The following FBXL7 variants were observed in gnomAD, a reference collection of about 807,000 sequenced individuals.
FBXL7 encodes F-box/LRR-repeat protein 7.
A neutral mutation model predicts 38.3 loss-of-function variants in FBXL7; 12 were observed. The ratio of observed to expected loss-of-function variants is 0.31; its 90% CI spans 0.20 to 0.51. The LOEUF (loss-of-function observed/expected upper bound fraction) is 0.51. Among genes scored for constraint, FBXL7 ranks in the 20% least tolerant of loss-of-function variants. FBXL7 has a pLI of 0.98. For missense variants in FBXL7, 567 were observed against 676.4 expected (o/e 0.84, Z 1.79); for synonymous variants, 297 against 300.9 (o/e 0.99, Z 0.13).
At chr5:15,801,882 T>C (rs1421417097) in intron 2 of FBXL7, among the ~76,000 whole-genome samples, 2 of 152,086 alleles carry the variant, frequency 1.3e-5, no homozygotes, top group African/African-American at 4.8e-5. Flanking sequence ...CTCTACTGCA[T>C]TTGATGAACT....
chr5:15,511,093 A>G (rs1288198949), intron 1 of FBXL7, among the ~76,000 whole-genome samples: 1 of 152,204 alleles, frequency 6.6e-6, no homozygotes, highest in Admixed American at 6.6e-5. Context: ...AAGGAATTGC[A>G]GTGACTGAGA....
chr5:15,764,142 T>G (rs998719221), intron 2 of FBXL7, among the ~76,000 whole-genome samples: 5 of 152,198 alleles, frequency 3.3e-5, no homozygotes, highest in African/African-American at 9.6e-5. Context: ...TAAGTTGACA[T>G]CTAAAATTCC....
chr5:15,678,131 C>T (rs774784114), intron 2 of FBXL7, among the ~76,000 whole-genome samples: 3 of 152,170 alleles, frequency 2.0e-5, no homozygotes, highest in Non-Finnish European at 4.4e-5. Flanking sequence ...GAGGGATATA[C>T]ATCACATTAC....
chr5:15,503,808 T>C (rs1466857963), intron 1 of FBXL7, among the ~76,000 whole-genome samples: 5 of 152,264 alleles, frequency 3.3e-5, no homozygotes, highest in African/African-American at 1.2e-4. Flanking sequence ...GCAACTTAAG[T>C]ATATTTTACT....
intron 1 of FBXL7, chr5:15,580,905 G>T (rs1465928641): frequency 1.2e-6 from 1 of 812,438 alleles, no homozygotes; most frequent in Non-Finnish European, 1.5e-6. Context: ...GGAATCCTGT[G>T]ATCCACTCTT....
At chr5:15,642,084 A>G (rs1306978767) in intron 2 of FBXL7, among the ~76,000 whole-genome samples, 1 of 151,994 alleles carries the variant, frequency 6.6e-6, no homozygotes, top group Non-Finnish European at 1.5e-5. Context: ...AAAAGAACAT[A>G]ATGCCCAACA....
chr5:15,835,375 C>T (rs371522024), intron 2 of FBXL7, among the ~76,000 whole-genome samples: 102 of 152,102 alleles, frequency 6.7e-4, no homozygotes, highest in African/African-American at 2.4e-3. Context: ...AAAACAAAAT[C>T]TTATTTAGAA....
chr5:15,826,347 G>A (rs1425944063), intron 2 of FBXL7, among the ~76,000 whole-genome samples: 1 of 152,142 alleles, frequency 6.6e-6, no homozygotes, highest in Admixed American at 6.5e-5. Flanking sequence ...TTTGTACTTC[G>A]AGAAAATAGC....
At position 15,700,338 on chromosome 5, in the gene FBXL7, G is replaced by A. The variant is rs1303540962; in HGVS notation, c.127+84266G>A. Reference sequence around the variant, plus strand: ...AAATACAGATAGACTGAAGCCAAAAGCGTTCCTTGCTGCAGACACACTCAA... The same window carrying A: ...AAATACAGATAGACTGAAGCCAAAAACGTTCCTTGCTGCAGACACACTCAA... On this transcript the variant is annotated intron_variant, in intron 2 of 3. Coordinates refer to ENST00000504595, the MANE Select transcript of FBXL7 (RefSeq NM_012304.5). Among the ~76,000 whole-genome samples the A allele has an allele frequency of 2.6e-5, 4 of 152,186 alleles. No homozygotes were observed. The East Asian group carries it at 7.7e-4, about 29-fold the overall frequency.
chr5:15,551,316 C>T (rs919307043), intron 1 of FBXL7, among the ~76,000 whole-genome samples: 1 of 152,138 alleles, frequency 6.6e-6, no homozygotes, highest in Admixed American at 6.5e-5. Flanking sequence ...TAGGCAGCAA[C>T]GTTTGAATAG....
chr5:15,692,812 G>A (rs1743222983), intron 2 of FBXL7, among the ~76,000 whole-genome samples: 1 of 152,214 alleles, frequency 6.6e-6, no homozygotes, highest in Non-Finnish European at 1.5e-5. Context: ...ATCCAAGCAA[G>A]TGAGGCTGAA....
At chr5:15,611,575 A>G (rs1644702313) in intron 1 of FBXL7, among the ~76,000 whole-genome samples, 1 of 152,106 alleles carries the variant, frequency 6.6e-6, no homozygotes, top group Admixed American at 6.5e-5. Flanking sequence ...ATCAATTGAT[A>G]AAATTGTGAG....
At chr5:15,599,271 C>T (rs536838765) in intron 1 of FBXL7, among the ~76,000 whole-genome samples, 130 of 152,234 alleles carry the variant, frequency 8.5e-4, no homozygotes, top group Non-Finnish European at 1.6e-3. Context: ...GTTCAAGTCA[C>T]ACCCCAAAGA....
At chr5:15,797,518 C>T (rs1409908797) in intron 2 of FBXL7, among the ~76,000 whole-genome samples, 5 of 152,184 alleles carry the variant, frequency 3.3e-5, no homozygotes, top group African/African-American at 9.7e-5. Context: ...TTCCATAGGA[C>T]GTAGCTCACA....
At chr5:15,606,281 A>G (rs772267933) in intron 1 of FBXL7, among the ~76,000 whole-genome samples, 2 of 151,952 alleles carry the variant, frequency 1.3e-5, no homozygotes, top group Non-Finnish European at 2.9e-5. Context: ...ACACACATAC[A>G]TGCGCACGTG....
At chr5:15,850,270 C>G (rs1016200491) in intron 2 of FBXL7, among the ~76,000 whole-genome samples, 10 of 152,156 alleles carry the variant, frequency 6.6e-5, no homozygotes, top group Non-Finnish European at 1.3e-4. Context: ...TTGATAAGTT[C>G]CAAAGAAGAT....
At chr5:15,656,503 A>G (rs943122232) in intron 2 of FBXL7, among the ~76,000 whole-genome samples, 1 of 152,212 alleles carries the variant, frequency 6.6e-6, no homozygotes, top group African/African-American at 2.4e-5. Context: ...TGATAAAAAC[A>G]TCAGATCTTG....
intron 2 of FBXL7, among the ~76,000 whole-genome samples, chr5:15,854,212 A>C (rs1175189262): frequency 6.6e-6 from 1 of 152,196 alleles, no homozygotes; most frequent in Non-Finnish European, 1.5e-5. Context: ...AGACACATAT[A>C]GGGCCTCAGC....
intron 2 of FBXL7, among the ~76,000 whole-genome samples, chr5:15,617,032 T>C (rs1740474897): frequency 6.6e-6 from 1 of 152,328 alleles, no homozygotes; most frequent in South Asian, 2.1e-4. Context: ...ACCCATGGGC[T>C]GACATTGGCC....
Sources: gnomAD v4.1 joint callset for allele counts (sites outside exome capture counted in the v4.1 genomes callset) on GRCh38, gnomAD v4.1.1 for gene constraint, MANE v1.5 for transcripts, NCBI Gene and HGNC (gene_info 2026-07-23, HGNC 2026-07-21) for gene names.